Variants in RIMS2 observed in about 807,000 individuals in gnomAD.
RIMS2 encodes regulating synaptic membrane exocytosis 2, also known as regulating synaptic membrane exocytosis protein 2.
In RIMS2, 59 loss-of-function variants were observed where a neutral mutation model predicts 174.4. The observed-to-expected ratio is 0.34, with a 90% confidence interval of 0.27 to 0.42. RIMS2 has a LOEUF of 0.42. Among genes scored for constraint, RIMS2 ranks in the 10% least tolerant of loss-of-function variants. The probability of loss-of-function intolerance (pLI) is 1.00; values close to 1 mark genes in which losing one functional copy is unlikely to be tolerated. For missense variants in RIMS2, 1,620 were observed against 1,666.3 expected, an observed-to-expected ratio of 0.97 and a Z score of 0.48; for synonymous variants, 606 against 572.5, an observed-to-expected ratio of 1.06 and a Z score of -0.84.
At chr8:104,108,515 T>G (rs544865000) in intron 19 of RIMS2, among the ~76,000 whole-genome samples, 3 of 151,960 alleles carry the variant, frequency 2.0e-5, no homozygotes, top group Admixed American at 6.6e-5. Flanking sequence ...CCCAGGCTGG[T>G]CTCAAACTCC....
chr8:104,123,790 C>A (rs1393868675), intron 19 of RIMS2, among the ~76,000 whole-genome samples: 1 of 151,936 alleles, frequency 6.6e-6, no homozygotes, highest in Non-Finnish European at 1.5e-5. Context: ...TATAAAATTA[C>A]TTCAAATCTT....
At chr8:103,921,184 T>C (rs1320474666) in intron 9 of RIMS2, among the ~76,000 whole-genome samples, 1 of 152,130 alleles carries the variant, frequency 6.6e-6, no homozygotes, top group Admixed American at 6.5e-5. Context: ...ATTTTATTCC[T>C]TTTTTTCATG....
intron 1 of RIMS2, among the ~76,000 whole-genome samples, chr8:103,621,869 T>G (rs1405088979): frequency 1.3e-5 from 2 of 152,170 alleles, no homozygotes; most frequent in Non-Finnish European, 2.9e-5. Flanking sequence ...AAACTGAAAT[T>G]AATTCTCTAT....
At chr8:103,986,342 T>C (rs1325598105) in intron 16 of RIMS2, among the ~76,000 whole-genome samples, 1 of 151,788 alleles carries the variant, frequency 6.6e-6, no homozygotes, top group Non-Finnish European at 1.5e-5. Flanking sequence ...GAAAAATCAG[T>C]GAAACTGAAA....
chr8:103,561,119 T>TC (rs2091517748), intron 1 of RIMS2, among the ~76,000 whole-genome samples: 1 of 152,252 alleles, frequency 6.6e-6, no homozygotes, highest in Non-Finnish European at 1.5e-5. Flanking sequence ...AGAGTGCAGC[T>TC]TCCTGCGGCT....
intron 3 of RIMS2, among the ~76,000 whole-genome samples, chr8:103,834,679 T>TCTTC (rs199680612): frequency 0.058 from 2,578 of 44,228 alleles, 58 homozygotes; most frequent in Middle Eastern, 0.12. Context: ...GAGGTCTTTT[T>TCTTC]CTTTCTTTCT....
chr8:104,096,275 G>T (rs180870689), intron 19 of RIMS2, among the ~76,000 whole-genome samples: 104 of 152,250 alleles, frequency 6.8e-4, no homozygotes, highest in Non-Finnish European at 8.7e-4. Context: ...TTTGCCTGGA[G>T]CCCAGATCCC....
intron 20 of RIMS2, among the ~76,000 whole-genome samples, chr8:104,245,716 T>C (rs2099327382): frequency 6.6e-6 from 1 of 152,190 alleles, no homozygotes; most frequent in Admixed American, 6.5e-5. Flanking sequence ...GAAAATGGGG[T>C]TTACTGGCCT....
intron 2 of RIMS2, among the ~76,000 whole-genome samples, chr8:103,732,627 G>T (rs1204186988): frequency 6.6e-6 from 1 of 152,060 alleles, no homozygotes; most frequent in Non-Finnish European, 1.5e-5. Flanking sequence ...CTGGTGCTTT[G>T]TACTACTGCA....
chr8:104,243,001 A>G (rs1260763767), intron 19 of RIMS2, among the ~76,000 whole-genome samples: 1 of 152,154 alleles, frequency 6.6e-6, no homozygotes, highest in Admixed American at 6.5e-5. Flanking sequence ...AGCCTTGCTT[A>G]TATCATTGAT....
At chr8:104,014,803 A>G (rs1597147814) in intron 19 of RIMS2, among the ~76,000 whole-genome samples, 188 bp downstream of exon 21, 1 of 152,258 alleles carries the variant, frequency 6.6e-6, no homozygotes, top group African/African-American at 2.4e-5. Context: ...TTCCAGGTAA[A>G]ATAAGGTATC....
chr8:104,093,288 G>T (rs1460515308), intron 19 of RIMS2, among the ~76,000 whole-genome samples, 183 bp from the exon 24 acceptor site: 2 of 151,926 alleles, frequency 1.3e-5, no homozygotes, highest in African/African-American at 2.4e-5. Flanking sequence ...AAAAACAAAG[G>T]TTTCATATAA....
chr8:103,501,273 G>A (rs2130716921), intron 1 of RIMS2: 1 of 307,196 alleles, frequency 3.3e-6, no homozygotes. Context: ...CGCCAAGGCC[G>A]GCTGAGGTGA....
intron 17 of RIMS2, among the ~76,000 whole-genome samples, chr8:104,008,455 AT>A (rs2095657411): frequency 8.7e-6 from 1 of 115,516 alleles, no homozygotes; most frequent in African/African-American, 2.6e-5. Flanking sequence ...TATACTAAAA[AT>A]ATCTTCAAAA....
chr8:103,754,544 T>C (rs2097951099), intron 2 of RIMS2, among the ~76,000 whole-genome samples: 1 of 152,102 alleles, frequency 6.6e-6, no homozygotes, highest in Non-Finnish European at 1.5e-5. Flanking sequence ...AAGTGTCCCA[T>C]TATTATTGTG....
chr8:103,787,523 G>A (rs200899668), intron 3 of RIMS2, among the ~76,000 whole-genome samples: 19 of 150,906 alleles, frequency 1.3e-4, no homozygotes, highest in South Asian at 1.1e-3. Context: ...TTTCTCCTTC[G>A]CTTATGAAGC....
At chr8:103,999,186 TTAAC>T (rs2095276063) in intron 17 of RIMS2, among the ~76,000 whole-genome samples, 1 of 151,750 alleles carries the variant, frequency 6.6e-6, no homozygotes, top group African/African-American at 2.4e-5. Flanking sequence ...CCCTATGAAA[TTAAC>T]TAAGAGTTGA....
At chr8:103,562,257 G>C (rs1445349660) in intron 1 of RIMS2, among the ~76,000 whole-genome samples, 1 of 152,112 alleles carries the variant, frequency 6.6e-6, no homozygotes, top group Non-Finnish European at 1.5e-5. Context: ...CTGAGACAAG[G>C]CAGTCCCTTC....
chr8:103,787,640 T>C (rs201875822), intron 3 of RIMS2, among the ~76,000 whole-genome samples: 8 of 152,030 alleles, frequency 5.3e-5, no homozygotes, highest in Non-Finnish European at 8.8e-5. Flanking sequence ...CCGAGAGATC[T>C]GCTGTTAGTC....
Sources: gnomAD v4.1 joint callset for allele counts (sites outside exome capture counted in the v4.1 genomes callset) on GRCh38, gnomAD v4.1.1 for gene constraint, MANE v1.5 for transcripts, NCBI Gene and HGNC (gene_info 2026-07-23, HGNC 2026-07-21) for gene names.